Variants in NR3C2 observed in about 807,000 individuals in gnomAD.
The protein encoded by NR3C2 is mineralocorticoid receptor.
Under a neutral mutation model 86.4 loss-of-function variants are expected in NR3C2, and 15 were observed. That is an observed-to-expected ratio of 0.17 (90% CI 0.12 to 0.27). NR3C2 has a LOEUF of 0.27. NR3C2 is among the 10% of genes least tolerant of loss of function. The pLI, the probability that NR3C2 is intolerant of heterozygous loss-of-function variation, is 1.00. For synonymous variants in NR3C2, 458 were observed against 450.5 expected (o/e 1.02, Z -0.21); for missense variants, 960 against 1,195.6 (o/e 0.80, Z 2.91).
At chr4:148,406,427 C>T (rs751960398) in intron 2 of NR3C2, among the ~76,000 whole-genome samples, 39 of 151,944 alleles carry the variant, frequency 2.6e-4, no homozygotes, top group Admixed American at 3.3e-4. Context: ...GCCGATAGGA[C>T]GCAGACGTGA....
At chr4:148,326,802 T>C (rs1743991736) in intron 2 of NR3C2, among the ~76,000 whole-genome samples, 1 of 152,222 alleles carries the variant, frequency 6.6e-6, no homozygotes, top group South Asian at 2.1e-4. Flanking sequence ...AGGAAGCTTG[T>C]GCCACAGGGC....
At chr4:148,084,775 C>T (rs193211539) in intron 8 of NR3C2, among the ~76,000 whole-genome samples, 26 of 152,212 alleles carry the variant, frequency 1.7e-4, no homozygotes, top group Admixed American at 2.6e-4. Context: ...ACCCATTTCA[C>T]GTGCAAAGAC....
intron 2 of NR3C2, among the ~76,000 whole-genome samples, chr4:148,432,229 G>A (rs997772369): frequency 6.6e-6 from 1 of 152,034 alleles, no homozygotes; most frequent in Non-Finnish European, 1.5e-5. Flanking sequence ...TACGTGTGGT[G>A]CTATGTTTTT....
chr4:148,412,821 G>GCGCGCACA (rs1553940179), intron 2 of NR3C2, among the ~76,000 whole-genome samples: 2 of 115,954 alleles, frequency 1.7e-5, no homozygotes, highest in Non-Finnish European at 3.9e-5. Flanking sequence ...GCACATGTGC[G>GCGCGCACA]CACACACACA....
chr4:148,083,492 A>G (rs938304690), intron 8 of NR3C2, among the ~76,000 whole-genome samples: 3 of 152,230 alleles, frequency 2.0e-5, no homozygotes, highest in African/African-American at 7.2e-5. Flanking sequence ...GGGCATCAAC[A>G]TCAACAAAAA....
At chr4:148,089,941 T>A (rs1386087120) in intron 8 of NR3C2, among the ~76,000 whole-genome samples, 1 of 152,244 alleles carries the variant, frequency 6.6e-6, no homozygotes, top group Non-Finnish European at 1.5e-5. Context: ...TCTTACAGTT[T>A]TAACCCGAGG....
intron 1 of NR3C2, among the ~76,000 whole-genome samples, chr4:148,440,507 C>G (rs1217451679): frequency 6.6e-6 from 1 of 152,194 alleles, no homozygotes; most frequent in Non-Finnish European, 1.5e-5. Flanking sequence ...GTATACAAAT[C>G]TAACTAACAA....
intron 2 of NR3C2, among the ~76,000 whole-genome samples, chr4:148,359,493 GAT>G (rs1350314853): frequency 1.3e-5 from 2 of 152,124 alleles, no homozygotes; most frequent in African/African-American, 4.8e-5. Flanking sequence ...ACAAATGGCA[GAT>G]ATATCTACGA....
At chr4:148,249,941 A>G (rs1486540737) in intron 3 of NR3C2, among the ~76,000 whole-genome samples, 1 of 152,168 alleles carries the variant, frequency 6.6e-6, no homozygotes, top group Non-Finnish European at 1.5e-5. Context: ...ATGGTATCAG[A>G]AAGATGAGAG....
Position 148,393,479 on chromosome 4 carries a change from C to G in NR3C2, c.1757+41625G>C, listed in dbSNP as rs139232911. Among the ~76,000 whole-genome samples, 8 of 152,230 alleles carry G rather than the reference C, an allele frequency of 5.3e-5. No homozygotes were observed. In the East Asian group the frequency reaches 1.5e-3, roughly 29 times the overall value. On this transcript the variant is annotated intron_variant, in intron 2 of 8. Transcript: ENST00000358102. The stretch of plus-strand genomic sequence containing the variant: ...AGCCCTGATTAATGAGGAGCTGTCA[C>G]GGGGCTCAGATACCTTGGGAGCTGG...
chr4:148,287,170 C>CT (rs1741566696), intron 2 of NR3C2, among the ~76,000 whole-genome samples: 1 of 152,218 alleles, frequency 6.6e-6, no homozygotes. Context: ...CTACTGTTAA[C>CT]TATTTTTTTC....
chr4:148,262,751 A>C (rs1160704815), intron 2 of NR3C2, among the ~76,000 whole-genome samples: 3 of 152,120 alleles, frequency 2.0e-5, no homozygotes, highest in African/African-American at 7.2e-5. Context: ...GAACATAGAC[A>C]CCTGCATGAG....
At chr4:148,322,103 G>T (rs1330895526) in intron 2 of NR3C2, among the ~76,000 whole-genome samples, 2 of 151,586 alleles carry the variant, frequency 1.3e-5, no homozygotes, top group East Asian at 1.9e-4. Flanking sequence ...GCATTTGCTT[G>T]TCTGTAAAGT....
chr4:148,257,237 A>G (rs1739876555), intron 3 of NR3C2, among the ~76,000 whole-genome samples: 1 of 152,224 alleles, frequency 6.6e-6, no homozygotes, highest in South Asian at 2.1e-4. Flanking sequence ...ATATTTAAAT[A>G]TACAAACATA....
rs61757906 is a variant in NR3C2 at position 148,159,814 on chromosome 4, C to T, written c.2015-4913G>A. On this transcript the variant is annotated intron_variant, in intron 4 of 8. Coordinates refer to ENST00000358102, the MANE Select transcript of NR3C2 (RefSeq NM_000901.5). ...TTGCTGGCTGAAGATACTTAAGGAACATGTTTCTATTAACCAAAAGCATCA... is the reference window on the plus strand; with the variant it reads ...TTGCTGGCTGAAGATACTTAAGGAATATGTTTCTATTAACCAAAAGCATCA... Among the ~76,000 whole-genome samples, 509 of 152,322 alleles carry T rather than the reference C, an allele frequency of 3.3e-3. 2 individuals carry two copies. Among genetic ancestry groups the T allele is most frequent in the African/African-American group, 0.011 (457 of 41,570 alleles).
At chr4:148,226,321 A>T (rs1001683248) in intron 3 of NR3C2, among the ~76,000 whole-genome samples, 2 of 152,190 alleles carry the variant, frequency 1.3e-5, no homozygotes, top group African/African-American at 4.8e-5. Flanking sequence ...TTTCAGTCAC[A>T]TAGTTTGGTT....
rs570862065 is a variant in NR3C2, at chr4:148,188,626, T to A, written c.2014+6120A>T. On this transcript the variant is annotated intron_variant, in intron 4 of 8. Coordinates refer to ENST00000358102, the MANE Select transcript of NR3C2 (RefSeq NM_000901.5). ...GAATTCTTTTATCAGTTCTAGGAGG[T>A]TTCTAGGGGGGTCCTTAGGGTTTTC... Among the ~76,000 whole-genome samples the A allele has an allele frequency of 2.0e-5, 3 of 152,188 alleles. No individual in the cohort carries two copies. In the South Asian group the frequency reaches 6.2e-4, roughly 32 times the overall value.
intron 2 of NR3C2, among the ~76,000 whole-genome samples, chr4:148,322,097 T>C (rs1427158894): frequency 6.6e-6 from 1 of 151,900 alleles, no homozygotes; most frequent in Non-Finnish European, 1.5e-5. Context: ...CTCTCAGCAT[T>C]TGCTTGTCTG....
intron 2 of NR3C2, among the ~76,000 whole-genome samples, chr4:148,371,067 G>C (rs764918888): frequency 6.6e-5 from 10 of 152,116 alleles, no homozygotes; most frequent in African/African-American, 1.9e-4. Context: ...TAGGTATTTG[G>C]TAGGTATATA....
Sources: allele counts gnomAD v4.1 joint callset (sites outside exome capture counted in the v4.1 genomes callset), GRCh38; gene constraint gnomAD v4.1.1; transcripts MANE v1.5; gene names NCBI Gene and HGNC (gene_info 2026-07-23, HGNC 2026-07-21).